Variants in GALNT2 observed in about 807,000 individuals in gnomAD.
The protein encoded by GALNT2 is UDP-GalNAc:polypeptide N-acetylgalactosaminyltransferase 2.
A neutral mutation model predicts 81.4 loss-of-function variants in GALNT2; 31 were observed. That is an observed-to-expected ratio of 0.38 (90% confidence interval 0.29 to 0.51). GALNT2 has a LOEUF of 0.51. Among genes scored for constraint, GALNT2 ranks in the 20% least tolerant of loss-of-function variants. The probability of loss-of-function intolerance (pLI) is 0.87; values close to 1 mark genes in which losing one functional copy is unlikely to be tolerated. For synonymous variants in GALNT2, 303 were observed against 287.4 expected, an observed-to-expected ratio of 1.05 and a Z score of -0.55; for missense variants, 629 against 765.7, an observed-to-expected ratio of 0.82 and a Z score of 2.11.
chr1:230,132,844 C>T (rs1482360010), intron 1 of GALNT2, among the ~76,000 whole-genome samples: 2 of 152,174 alleles, frequency 1.3e-5, no homozygotes, highest in Non-Finnish European at 2.9e-5. Context: ...AATTGTGTTT[C>T]TTGAGCGTGG....
chr1:230,254,536 G>A (rs7537652), intron 10 of GALNT2, among the ~76,000 whole-genome samples: 22,451 of 152,104 alleles, frequency 0.15, 2,714 homozygotes, highest in East Asian at 0.53. Flanking sequence ...TCCATAGTCC[G>A]TAAGTCCAAA....
At chr1:230,060,201 C>T (rs1177404699) in intron 1 of GALNT2, among the ~76,000 whole-genome samples, 1 of 152,152 alleles carries the variant, frequency 6.6e-6, no homozygotes, top group East Asian at 1.9e-4. Flanking sequence ...ACAGAATGTT[C>T]CCCATTTTTT....
chr1:230,067,434 G>A (rs751181135), intron 1 of GALNT2, 28 bp downstream of exon 1: 14 of 973,412 alleles, frequency 1.4e-5, no homozygotes, highest in Non-Finnish European at 1.7e-5. Context: ...CCGCGGCCGG[G>A]CCCCTGCGCC....
rs897683139 is a variant in GALNT2 at position 230,279,592 on chromosome 1, A to G, written c.*134A>G. 1.7e-6 allele frequency: 2 copies of G among 1,191,140 alleles called. No homozygotes were observed. The highest frequency in any genetic ancestry group is 1.2e-6 in the Non-Finnish European group (1 of 868,100). 73.8% of individuals were successfully genotyped at this position (1,191,140 alleles called of 1,614,324 possible). ...GTATTCCATCATGGTCTGAAAGTCAAACTTCGGCAAGGCACGGACGACTGT... is the reference window on the plus strand; with the variant it reads ...GTATTCCATCATGGTCTGAAAGTCAGACTTCGGCAAGGCACGGACGACTGT... On this transcript the variant is annotated 3_prime_UTR_variant, in exon 16 of 16. Coordinates refer to ENST00000366672, the MANE Select transcript of GALNT2 (RefSeq NM_004481.5). This position sits in a 1 kb window ranked among gnomAD's most constrained non-coding sequence, Gnocchi z 4.6.
At chr1:230,150,043 A>G (rs1281001382) in intron 1 of GALNT2, among the ~76,000 whole-genome samples, 1 of 152,238 alleles carries the variant, frequency 6.6e-6, no homozygotes, top group Non-Finnish European at 1.5e-5. Flanking sequence ...TGACAGCCAC[A>G]CAGTATGATG....
At chr1:230,278,892 A>G (rs377348844) in intron 15 of GALNT2, among the ~76,000 whole-genome samples, 16 of 152,118 alleles carry the variant, frequency 1.1e-4, no homozygotes, top group African/African-American at 2.9e-4. Flanking sequence ...CCAGGGGAGG[A>G]TCTGGCCCTG....
At chr1:230,086,879 C>T (rs956867219) in intron 1 of GALNT2, among the ~76,000 whole-genome samples, 1 of 152,122 alleles carries the variant, frequency 6.6e-6, no homozygotes, top group Non-Finnish European at 1.5e-5. Context: ...CAGGTGTCAG[C>T]CCTGCCACTT....
chr1:230,107,286 G>A (rs1242213530), intron 1 of GALNT2, among the ~76,000 whole-genome samples: 2 of 152,298 alleles, frequency 1.3e-5, no homozygotes, highest in South Asian at 2.1e-4. Flanking sequence ...AAATGAATTC[G>A]CAGCCAGGGA....
intron 1 of GALNT2, among the ~76,000 whole-genome samples, chr1:230,121,990 T>G (rs967802151): frequency 6.7e-6 from 1 of 149,420 alleles, no homozygotes; most frequent in African/African-American, 2.5e-5. Context: ...TCTTACTCTG[T>G]TGCCCAGGCT....
intron 1 of GALNT2, among the ~76,000 whole-genome samples, chr1:230,111,581 A>G (rs766142556): frequency 1.5e-4 from 23 of 152,218 alleles, no homozygotes; most frequent in Non-Finnish European, 1.0e-4. Flanking sequence ...ATTGTTTCCA[A>G]GTTTTAACTT....
chr1:230,170,704 A>G (rs990619986), intron 1 of GALNT2, among the ~76,000 whole-genome samples: 2 of 152,226 alleles, frequency 1.3e-5, no homozygotes, highest in East Asian at 1.9e-4. Context: ...ACTTCAGGAA[A>G]CTTTTCATCA....
chr1:230,279,609 G>T lies in GALNT2; in HGVS notation c.*151G>T. 1.0e-6 allele frequency: 1 copy of T among 981,334 alleles called. No individual in the cohort carries two copies. Among genetic ancestry groups the T allele is most frequent in the East Asian group, 2.7e-5 (1 of 37,652 alleles). The allele number at this position is 981,334 out of a possible 1,614,324, so 60.8% of individuals were successfully genotyped here. ...GAAAGTCAAACTTCGGCAAGGCACGGACGACTGTGCAGACACAGCAGCGGC... is the reference window on the plus strand; with the variant it reads ...GAAAGTCAAACTTCGGCAAGGCACGTACGACTGTGCAGACACAGCAGCGGC... On this transcript the variant is annotated 3_prime_UTR_variant, in exon 16 of 16. Coordinates refer to ENST00000366672, the MANE Select transcript of GALNT2 (RefSeq NM_004481.5). The surrounding 1 kb of genome is among the most constrained non-coding windows in gnomAD (Gnocchi z 4.6).
intron 1 of GALNT2, among the ~76,000 whole-genome samples, chr1:230,071,774 G>T (rs549844875): frequency 1.3e-5 from 2 of 152,302 alleles, no homozygotes; most frequent in African/African-American, 4.8e-5. Flanking sequence ...TGTATAGCCA[G>T]ATAATCCGAC....
chr1:230,092,566 A>T (rs1660125119), intron 1 of GALNT2, among the ~76,000 whole-genome samples: 1 of 151,112 alleles, frequency 6.6e-6, no homozygotes, highest in African/African-American at 2.4e-5. Context: ...CTGATCTCGA[A>T]CTCCTGACCT....
At chr1:230,159,206 G>A (rs900680163) in intron 1 of GALNT2, among the ~76,000 whole-genome samples, 3 of 152,218 alleles carry the variant, frequency 2.0e-5, no homozygotes, top group Admixed American at 2.0e-4. Context: ...GTTGATGTGA[G>A]GCTTTATTTA....
At chr1:230,185,796 A>T (rs1276803167) in intron 2 of GALNT2, among the ~76,000 whole-genome samples, 1 of 152,120 alleles carries the variant, frequency 6.6e-6, no homozygotes, top group Non-Finnish European at 1.5e-5. Flanking sequence ...ACTCACACAA[A>T]TATAGCTGCC....
chr1:230,093,445 CTG>C (rs1660153064), intron 1 of GALNT2, among the ~76,000 whole-genome samples: 1 of 152,198 alleles, frequency 6.6e-6, no homozygotes, highest in Non-Finnish European at 1.5e-5. Context: ...AAACGATGGA[CTG>C]TAGCTAGCTT....
At chr1:230,163,085 C>G (rs1043669176) in intron 1 of GALNT2, among the ~76,000 whole-genome samples, 2 of 152,300 alleles carry the variant, frequency 1.3e-5, no homozygotes, top group African/African-American at 4.8e-5. Flanking sequence ...CCCTGCATTT[C>G]TAAGTCAGTG....
chr1:230,160,468 G>A (rs1662396227), intron 1 of GALNT2, among the ~76,000 whole-genome samples: 1 of 152,100 alleles, frequency 6.6e-6, no homozygotes, highest in Non-Finnish European at 1.5e-5. Context: ...ACTTTCAGAT[G>A]TGGGAGGCCA....
Sources: gnomAD v4.1 joint callset for allele counts (sites outside exome capture counted in the v4.1 genomes callset) on GRCh38, gnomAD v4.1.1 for gene constraint, Gnocchi (gnomAD v3.1) non-coding constraint, MANE v1.5 for transcripts, NCBI Gene and HGNC (gene_info 2026-07-23, HGNC 2026-07-21) for gene names.